TRABD2B: variants seen among roughly 807,000 people sequenced by gnomAD.
The protein encoded by TRABD2B is TraB domain containing 2B.
A neutral mutation model predicts 40.1 loss-of-function variants in TRABD2B; 14 were observed. The ratio of observed to expected loss-of-function variants is 0.35; its 90% CI spans 0.23 to 0.55. The LOEUF is 0.55. TRABD2B is among the 20% of genes least tolerant of loss of function. The pLI is 0.90. For missense variants in TRABD2B, 541 were observed against 648.6 expected, an observed-to-expected ratio of 0.83 and a Z score of 1.80; for synonymous variants, 263 against 277.0, an observed-to-expected ratio of 0.95 and a Z score of 0.50.
chr1:47,819,772 G>A (rs1008039429), intron 2 of TRABD2B: 2 of 152,144 alleles, frequency 1.3e-5, no homozygotes, highest in African/African-American at 4.8e-5. Flanking sequence ...ACACAGTTCT[G>A]AGCACGTATT....
At chr1:47,810,798 C>G (rs796938265) in intron 2 of TRABD2B, among the ~76,000 whole-genome samples, 44 of 152,204 alleles carry the variant, frequency 2.9e-4, no homozygotes, top group Admixed American at 2.7e-3. Flanking sequence ...GGACCTGGCA[C>G]AGCCACAGGC....
chr1:47,946,954 G>A (rs1241123734), intron 2 of TRABD2B, among the ~76,000 whole-genome samples: 1 of 151,390 alleles, frequency 6.6e-6, no homozygotes. Context: ...TTTTCCATAT[G>A]GAGGTAAAGA....
intron 6 of TRABD2B, among the ~76,000 whole-genome samples, chr1:47,771,737 C>T (rs1300040177): frequency 6.6e-6 from 1 of 152,244 alleles, no homozygotes; most frequent in Non-Finnish European, 1.5e-5. Context: ...TCTGCCACTG[C>T]ACAGCCATCT....
At chr1:47,900,487 C>T (rs1442314908) in intron 2 of TRABD2B, among the ~76,000 whole-genome samples, 1 of 152,146 alleles carries the variant, frequency 6.6e-6, no homozygotes, top group East Asian at 1.9e-4. Context: ...GAACTGAACA[C>T]TGAAGAGTTT....
chr1:47,939,247 T>C (rs1404834044), intron 2 of TRABD2B, among the ~76,000 whole-genome samples: 2 of 152,012 alleles, frequency 1.3e-5, no homozygotes, highest in Admixed American at 6.6e-5. Flanking sequence ...TTGAAAGTTT[T>C]TGAGGTCAAA....
chr1:47,859,691 C>T lies in TRABD2B; in HGVS notation c.667-58072G>A, dbSNP rs948846888. Reference sequence around the variant, plus strand: ...TCACATCTCCTGGCTCAGAGTGGCCCCCACTTCCCCACCATCTCCACCTGC... The same window carrying T: ...TCACATCTCCTGGCTCAGAGTGGCCTCCACTTCCCCACCATCTCCACCTGC... On this transcript the variant is annotated intron_variant, in intron 2 of 6. Transcript: ENST00000606738. Among the ~76,000 whole-genome samples, 5 of 152,154 alleles carry T rather than the reference C, an allele frequency of 3.3e-5. No individual in the cohort carries two copies. In the South Asian group the frequency reaches 1.0e-3, roughly 31 times the overall value.
At chr1:47,880,532 A>C (rs962051339) in intron 2 of TRABD2B, among the ~76,000 whole-genome samples, 1 of 152,210 alleles carries the variant, frequency 6.6e-6, no homozygotes, top group Non-Finnish European at 1.5e-5. Context: ...CGCGGATACC[A>C]GGTCAAAACA....
chr1:47,839,763 T>C (rs1325943203), intron 2 of TRABD2B, among the ~76,000 whole-genome samples: 2 of 152,144 alleles, frequency 1.3e-5, no homozygotes, highest in African/African-American at 2.4e-5. Context: ...CAATAAATGA[T>C]GAGGGGAGGG....
At chr1:47,863,191 A>G (rs961020446) in intron 2 of TRABD2B, among the ~76,000 whole-genome samples, 3 of 151,718 alleles carry the variant, frequency 2.0e-5, no homozygotes, top group Non-Finnish European at 4.4e-5. Context: ...AGCATGATCC[A>G]TGAAAGAAAG....
intron 2 of TRABD2B, among the ~76,000 whole-genome samples, chr1:47,937,211 TACCATGATCATCACCATCACCACCACC>T (rs1645122296): frequency 1.2e-5 from 1 of 85,552 alleles, no homozygotes; most frequent in African/African-American, 4.8e-5. Context: ...TCATCACCAC[TACCATGATCATCACCATCACCACCACC>T]ACCATGATCA....
intron 2 of TRABD2B, among the ~76,000 whole-genome samples, chr1:47,965,364 T>A: frequency 6.6e-6 from 1 of 151,638 alleles, no homozygotes. Flanking sequence ...AGATCTGGAC[T>A]TGAAATTAAG....
chr1:47,781,279 C>G (rs1644518272), intron 4 of TRABD2B, among the ~76,000 whole-genome samples: 1 of 152,212 alleles, frequency 6.6e-6, no homozygotes, highest in Admixed American at 6.5e-5. Flanking sequence ...CAACAGCGGT[C>G]CTCGCGTTTG....
chr1:47,767,660 G>A (rs971134544), intron 6 of TRABD2B, among the ~76,000 whole-genome samples: 2 of 152,246 alleles, frequency 1.3e-5, no homozygotes, highest in African/African-American at 4.8e-5. Flanking sequence ...GCAGATGGGT[G>A]GGCAAGAAGC....
chr1:47,852,942 TTC>T (rs1392979607), intron 2 of TRABD2B, among the ~76,000 whole-genome samples: 2 of 152,092 alleles, frequency 1.3e-5, no homozygotes, highest in Non-Finnish European at 1.5e-5. Context: ...AGTTCTCATA[TTC>T]TCTTTGATTG....
intron 3 of TRABD2B, among the ~76,000 whole-genome samples, chr1:47,796,936 T>C (rs997914188): frequency 3.9e-5 from 6 of 152,218 alleles, no homozygotes; most frequent in Admixed American, 2.0e-4. Flanking sequence ...AATGTGACCC[T>C]CACAGGTTCT....
At chr1:47,903,239 G>T (rs1191528020) in intron 2 of TRABD2B, among the ~76,000 whole-genome samples, 1 of 152,030 alleles carries the variant, frequency 6.6e-6, no homozygotes, top group African/African-American at 2.4e-5. Flanking sequence ...TTGCCTTGGG[G>T]CTTCTATACA....
At chr1:47,842,912 A>G (rs1251518036) in intron 2 of TRABD2B, among the ~76,000 whole-genome samples, 1 of 152,178 alleles carries the variant, frequency 6.6e-6, no homozygotes, top group African/African-American at 2.4e-5. Flanking sequence ...GGCCAAGGAC[A>G]GCTTCACTGG....
At chr1:47,937,258 CCAT>C (rs771102829) in intron 2 of TRABD2B, among the ~76,000 whole-genome samples, 15 of 150,006 alleles carry the variant, frequency 1.0e-4, no homozygotes, top group East Asian at 2.0e-4. Context: ...ATCACCATCA[CCAT>C]CATCATCACC....
chr1:47,824,057 G>A (rs978972807), intron 2 of TRABD2B, among the ~76,000 whole-genome samples: 9 of 152,200 alleles, frequency 5.9e-5, no homozygotes, highest in African/African-American at 2.2e-4. Flanking sequence ...CTGGCCTTCA[G>A]AGGAAAGTTG....
Sources: allele counts gnomAD v4.1 joint callset (sites outside exome capture counted in the v4.1 genomes callset), GRCh38; gene constraint gnomAD v4.1.1; transcripts MANE v1.5; gene names NCBI Gene and HGNC (gene_info 2026-07-23, HGNC 2026-07-21).